WDR7: variants seen among roughly 807,000 people sequenced by gnomAD.
WDR7 encodes WD repeat domain 7, also known as WD repeat-containing protein 7.
WDR7 carries 46 observed loss-of-function variants against 169.4 expected under a neutral mutation model. That is an observed-to-expected ratio of 0.27 (90% CI 0.21 to 0.35). WDR7 has a LOEUF of 0.35. Among genes scored for constraint, WDR7 ranks in the 10% least tolerant of loss-of-function variants. The pLI is 1.00. For synonymous variants in WDR7, 612 were observed against 666.8 expected, an observed-to-expected ratio of 0.92 and a Z score of 1.27; for missense variants, 1,534 against 1,859.3, an observed-to-expected ratio of 0.83 and a Z score of 3.22.
intron 12 of WDR7, among the ~76,000 whole-genome samples, chr18:56,696,669 CAT>C (rs1189037537): frequency 3.9e-5 from 6 of 152,128 alleles, no homozygotes; most frequent in Non-Finnish European, 5.9e-5. Flanking sequence ...AGAAGAGAGA[CAT>C]AGTGTTTTTT....
intron 20 of WDR7, among the ~76,000 whole-genome samples, chr18:56,830,964 T>C (rs894153209): frequency 6.6e-6 from 1 of 152,154 alleles, no homozygotes; most frequent in Admixed American, 6.6e-5. Context: ...TTTACTGATA[T>C]GCAGGATGTG....
chr18:56,919,259 T>A (rs7244830), intron 21 of WDR7, among the ~76,000 whole-genome samples: 107,852 of 152,034 alleles, frequency 0.71, 39,718 homozygotes, highest in East Asian at 0.84. Context: ...ATGAAATATG[T>A]AATTAGACCT....
chr18:56,794,803 C>T (rs1367242587), intron 19 of WDR7, among the ~76,000 whole-genome samples: 1 of 152,070 alleles, frequency 6.6e-6, no homozygotes, highest in African/African-American at 2.4e-5. Context: ...TAACATGTTG[C>T]ATATTTCTTT....
At chr18:56,895,689 T>C (rs2046323483) in intron 21 of WDR7, among the ~76,000 whole-genome samples, 1 of 151,754 alleles carries the variant, frequency 6.6e-6, no homozygotes, top group Admixed American at 6.6e-5. Context: ...CCCCTAAATA[T>C]GTATATCTAC....
In WDR7 at chr18:57,027,626, A is replaced by G. The variant is rs149607294; in HGVS notation, c.*419A>G. ...GCTGCTTGAATCTGGCCGTTCTGACACTGGGTGTTGAGGTCATGTGGCAGT... is the reference window on the plus strand; with the variant it reads ...GCTGCTTGAATCTGGCCGTTCTGACGCTGGGTGTTGAGGTCATGTGGCAGT... On this transcript the variant is annotated 3_prime_UTR_variant, in exon 28 of 28. Coordinates refer to ENST00000254442, the MANE Select transcript of WDR7 (RefSeq NM_015285.3). The G allele has an allele frequency of 1.0e-5, 2 of 192,136 alleles. No individual in the cohort carries two copies. Among genetic ancestry groups the G allele is most frequent in the Admixed American group, 5.9e-5 (1 of 16,888 alleles). The allele number at this position is 192,136 out of a possible 1,614,324, so 11.9% of individuals were successfully genotyped here. A position where few individuals can be genotyped will look rare whatever the true frequency, so the allele number is the denominator to read the frequency against.
intron 26 of WDR7, among the ~76,000 whole-genome samples, chr18:56,981,264 G>A (rs191577062): frequency 6.6e-6 from 1 of 152,274 alleles, no homozygotes; most frequent in East Asian, 1.9e-4. Context: ...GGAAACATTG[G>A]AAGAGGAGCA....
chr18:56,985,158 T>A (rs2047696253), intron 26 of WDR7, among the ~76,000 whole-genome samples: 2 of 152,192 alleles, frequency 1.3e-5, no homozygotes, highest in East Asian at 3.8e-4. Context: ...GCAGCAATTT[T>A]AGGATTCTGT....
chr18:56,710,360 C>T (rs1323440657), intron 12 of WDR7, among the ~76,000 whole-genome samples: 1 of 152,086 alleles, frequency 6.6e-6, no homozygotes, highest in African/African-American at 2.4e-5. Context: ...TTATTATATC[C>T]ATGTGATTAT....
At chr18:56,764,434 G>A (rs62101714) in intron 16 of WDR7, among the ~76,000 whole-genome samples, 13,707 of 152,012 alleles carry the variant, frequency 0.09, 786 homozygotes, top group Admixed American at 0.19. Context: ...ATAACATTGC[G>A]TACATTTATA....
At chr18:56,835,226 C>T (rs2045377858) in intron 20 of WDR7, among the ~76,000 whole-genome samples, 3 of 152,136 alleles carry the variant, frequency 2.0e-5, no homozygotes, top group Non-Finnish European at 4.4e-5. Context: ...AAATGTGCCT[C>T]CCTTGTCTTA....
At chr18:56,712,469 A>T (rs906890124) in intron 12 of WDR7, among the ~76,000 whole-genome samples, 1 of 152,224 alleles carries the variant, frequency 6.6e-6, no homozygotes, top group Admixed American at 6.5e-5. Flanking sequence ...TTGACCTAAG[A>T]ATATACTTGT....
intron 4 of WDR7, among the ~76,000 whole-genome samples, chr18:56,681,922 G>A (rs1162775138): frequency 6.6e-6 from 1 of 152,096 alleles, no homozygotes; most frequent in Non-Finnish European, 1.5e-5. Flanking sequence ...TACATTCCTG[G>A]TATTCTTTTT....
rs535776157 is a variant in WDR7, at chr18:56,948,557, C to A, written c.4064+9164C>A. On this transcript the variant is annotated intron_variant, in intron 25 of 27. Coordinates refer to ENST00000254442, the MANE Select transcript of WDR7 (RefSeq NM_015285.3). ...GCTTCATGTGTTTAGTCCTTAATTT[C>A]ATCCTAATAAATGGCATCAGTTCTT... Among the ~76,000 whole-genome samples, 4 of 152,302 alleles carry A rather than the reference C, an allele frequency of 2.6e-5. No homozygotes were observed. The South Asian group carries it at 8.3e-4, about 32-fold the overall frequency.
chr18:56,682,331 GC>G (rs1449296414), intron 4 of WDR7, among the ~76,000 whole-genome samples: 1 of 152,116 alleles, frequency 6.6e-6, no homozygotes, highest in East Asian at 1.9e-4. Context: ...GATTTGTAAA[GC>G]TGATTTTATT....
intron 19 of WDR7, among the ~76,000 whole-genome samples, chr18:56,798,116 T>C (rs2044614901): frequency 6.6e-6 from 1 of 152,190 alleles, no homozygotes; most frequent in South Asian, 2.1e-4. Flanking sequence ...AAGCATTTTA[T>C]TTTTAAAGGA....
chr18:56,994,266 T>A (rs2047863007), intron 26 of WDR7, among the ~76,000 whole-genome samples: 1 of 152,088 alleles, frequency 6.6e-6, no homozygotes, highest in South Asian at 2.1e-4. Flanking sequence ...TCAAGCGATT[T>A]GCCTGCCTCA....
intron 20 of WDR7, among the ~76,000 whole-genome samples, chr18:56,871,432 A>T (rs2045951919): frequency 1.3e-5 from 2 of 152,250 alleles, no homozygotes; most frequent in South Asian, 4.1e-4. Context: ...CTAGTCATTT[A>T]TGTAAAGTCT....
At chr18:56,816,746 A>G (rs1261938008) in intron 20 of WDR7, among the ~76,000 whole-genome samples, 3 of 152,192 alleles carry the variant, frequency 2.0e-5, no homozygotes, top group Admixed American at 6.5e-5. Flanking sequence ...CAGTTACTGG[A>G]TCTCCAAATA....
chr18:56,782,008 G>A (rs541777320), intron 19 of WDR7: 19 of 158,426 alleles, frequency 1.2e-4, no homozygotes, highest in African/African-American at 3.6e-4. Flanking sequence ...TGATATGCAA[G>A]TGCAGATACA....
Sources: allele counts gnomAD v4.1 joint callset (sites outside exome capture counted in the v4.1 genomes callset), GRCh38; gene constraint gnomAD v4.1.1; transcripts MANE v1.5; gene names NCBI Gene and HGNC (gene_info 2026-07-23, HGNC 2026-07-21).